The following FSTL4 variants were observed in gnomAD, a reference collection of about 807,000 sequenced individuals.
FSTL4 encodes the protein follistatin like 4.
FSTL4 carries 28 observed loss-of-function variants against 78.2 expected under a neutral mutation model. The observed-to-expected ratio is 0.36, with a 90% confidence interval of 0.27 to 0.49. FSTL4 has a LOEUF of 0.49. Ranked by LOEUF, FSTL4 falls within the 20% of genes least tolerant of loss-of-function variation. FSTL4 has a pLI of 0.98. For synonymous variants in FSTL4, 422 were observed against 440.5 expected, an observed-to-expected ratio of 0.96 and a Z score of 0.53; for missense variants, 922 against 1,084.9, an observed-to-expected ratio of 0.85 and a Z score of 2.11.
the FSTL4 span, among the ~76,000 whole-genome samples, chr5:133,749,574 C>G: frequency 6.6e-6 from 1 of 152,214 alleles, no homozygotes; most frequent in Non-Finnish European, 1.5e-5. Flanking sequence ...GAACCAAGGC[C>G]CACACACATG....
chr5:133,499,209 C>T (rs1455630604), intron 3 of FSTL4, among the ~76,000 whole-genome samples: 3 of 152,092 alleles, frequency 2.0e-5, no homozygotes, highest in Admixed American at 6.5e-5. Context: ...GCAGCTTTCA[C>T]GCCATCCCTG....
chr5:133,574,898 T>A (rs1760244386), intron 2 of FSTL4: 1 of 152,088 alleles, frequency 6.6e-6, no homozygotes, highest in African/African-American at 2.4e-5. Flanking sequence ...GACAGATGAG[T>A]AGTAACCTTT....
chr5:133,807,998 C>T, the FSTL4 span, among the ~76,000 whole-genome samples: 2 of 152,148 alleles, frequency 1.3e-5, no homozygotes, highest in African/African-American at 4.8e-5. Context: ...TCTGTCTCTA[C>T]CCACCAAGCA....
chr5:133,243,209 A>G (rs958611865), intron 7 of FSTL4, among the ~76,000 whole-genome samples: 1 of 152,088 alleles, frequency 6.6e-6, no homozygotes, highest in African/African-American at 2.4e-5. Flanking sequence ...TGCCGACATT[A>G]GAAAGCCCCA....
chr5:133,203,575 G>T (rs1363455936), intron 14 of FSTL4, among the ~76,000 whole-genome samples: 1 of 152,120 alleles, frequency 6.6e-6, no homozygotes, highest in African/African-American at 2.4e-5. Context: ...ATTTCTCTGT[G>T]ATTTTTTTTA....
chr5:133,530,602 A>G (rs1248885298), intron 3 of FSTL4, among the ~76,000 whole-genome samples: 3 of 152,226 alleles, frequency 2.0e-5, no homozygotes, highest in Admixed American at 1.3e-4. Context: ...AATATCTTGC[A>G]TGTGTCCTGG....
intron 3 of FSTL4, among the ~76,000 whole-genome samples, chr5:133,522,602 C>A (rs945359283): frequency 2.2e-4 from 33 of 152,188 alleles, no homozygotes; most frequent in African/African-American, 7.7e-4. Flanking sequence ...GCAGACTAAA[C>A]AATTTTCAGT....
intron 4 of FSTL4, among the ~76,000 whole-genome samples, chr5:133,383,215 A>T (rs1755617656): frequency 6.6e-6 from 1 of 152,170 alleles, no homozygotes; most frequent in Non-Finnish European, 1.5e-5. Flanking sequence ...TCCAGAGCCC[A>T]GACCCTGGTG....
chr5:133,598,244 G>A (rs1760782009), intron 2 of FSTL4, among the ~76,000 whole-genome samples: 1 of 152,060 alleles, frequency 6.6e-6, no homozygotes, highest in Non-Finnish European at 1.5e-5. Flanking sequence ...GAGGCAGGGG[G>A]CTCCTCTAAG....
At chr5:133,231,928 C>T (rs1257107602) in intron 8 of FSTL4, among the ~76,000 whole-genome samples, 3 of 152,166 alleles carry the variant, frequency 2.0e-5, no homozygotes, top group African/African-American at 4.8e-5. Context: ...ACCGACCATT[C>T]CCAATGTGAA....
At chr5:133,699,294 G>C in the FSTL4 span, among the ~76,000 whole-genome samples, 2 of 152,128 alleles carry the variant, frequency 1.3e-5, no homozygotes, top group Non-Finnish European at 2.9e-5. Context: ...TGGGAAGCCA[G>C]GAGGAAACAA....
rs915742748 is a variant in FSTL4 at position 133,341,125 on chromosome 5, C to T, written c.410-24473G>A. Among the ~76,000 whole-genome samples, 19 of 151,968 alleles carry T rather than the reference C, an allele frequency of 1.3e-4. 1 individual carries two copies. The highest frequency in any genetic ancestry group is 7.3e-5 in the Non-Finnish European group (5 of 68,032). Reference sequence around the variant, plus strand: ...GGCTCTAAAGACAGTGTTCCTTAGACGACTTGTGCAGACATGACCTCCCTT... The same window carrying T: ...GGCTCTAAAGACAGTGTTCCTTAGATGACTTGTGCAGACATGACCTCCCTT... On this transcript the variant is annotated intron_variant, in intron 4 of 15. Transcript: ENST00000265342.
At chr5:133,746,064 G>C in the FSTL4 span, among the ~76,000 whole-genome samples, 4 of 152,148 alleles carry the variant, frequency 2.6e-5, no homozygotes, top group African/African-American at 9.7e-5. Flanking sequence ...GGCAAAACAA[G>C]TTTTTTAACG....
intron 6 of FSTL4, among the ~76,000 whole-genome samples, chr5:133,308,843 A>G (rs2126884808): frequency 6.6e-6 from 1 of 152,208 alleles, no homozygotes; most frequent in South Asian, 2.1e-4. Flanking sequence ...GGTCCTCCTG[A>G]CACCCTGCCT....
the FSTL4 span, among the ~76,000 whole-genome samples, chr5:133,835,196 AGGCAGGC>A: frequency 6.6e-6 from 1 of 152,174 alleles, no homozygotes; most frequent in Non-Finnish European, 1.5e-5. Context: ...TGCCTTGAAG[AGGCAGGC>A]GGGAACATTG....
At chr5:133,779,220 G>T in the FSTL4 span, among the ~76,000 whole-genome samples, 2 of 151,998 alleles carry the variant, frequency 1.3e-5, no homozygotes, top group Non-Finnish European at 2.9e-5. Context: ...GGTGACTCCC[G>T]CAGCCTCCTT....
At chr5:133,278,434 T>C (rs1752936695) in intron 6 of FSTL4, among the ~76,000 whole-genome samples, 1 of 152,212 alleles carries the variant, frequency 6.6e-6, no homozygotes, top group Non-Finnish European at 1.5e-5. Flanking sequence ...GAGTCCCAGC[T>C]CCCAGCAGGG....
At chr5:133,240,687 C>T (rs1224449148) in intron 7 of FSTL4, among the ~76,000 whole-genome samples, 5 of 152,168 alleles carry the variant, frequency 3.3e-5, no homozygotes, top group African/African-American at 9.7e-5. Flanking sequence ...CATCTCTTCG[C>T]GCATGACTCA....
At chr5:133,402,054 G>T (rs537855198) in intron 3 of FSTL4, among the ~76,000 whole-genome samples, 1 of 152,242 alleles carries the variant, frequency 6.6e-6, no homozygotes, top group South Asian at 2.1e-4. Flanking sequence ...CCATTTCCTT[G>T]GGGGAGAATG....
Sources: allele counts gnomAD v4.1 joint callset (sites outside exome capture counted in the v4.1 genomes callset), GRCh38; gene constraint gnomAD v4.1.1; transcripts MANE v1.5; gene names NCBI Gene and HGNC (gene_info 2026-07-23, HGNC 2026-07-21).